Variants in VPS13C observed in about 807,000 individuals in gnomAD.
VPS13C encodes the protein intermembrane lipid transfer protein VPS13C.
Under a neutral mutation model 456.8 loss-of-function variants are expected in VPS13C, and 358 were observed. The ratio of observed to expected loss-of-function variants is 0.78; its 90% confidence interval spans 0.72 to 0.86. VPS13C has a LOEUF of 0.86. Ranked by LOEUF, VPS13C falls within the 40% of genes least tolerant of loss-of-function variation. The probability of loss-of-function intolerance (pLI) is 0.00; values close to 1 mark genes in which losing one functional copy is unlikely to be tolerated. For synonymous variants in VPS13C, 1,578 were observed against 1,486.7 expected, an observed-to-expected ratio of 1.06 and a Z score of -1.41; for missense variants, 4,818 against 4,385.4, an observed-to-expected ratio of 1.10 and a Z score of -2.79.
intron 15 of VPS13C, among the ~76,000 whole-genome samples, chr15:62,005,310 G>A (rs535979838): frequency 0.011 from 1,659 of 152,226 alleles, 39 homozygotes; most frequent in African/African-American, 0.038. Context: ...TTGGTTTAAA[G>A]TCTGTTTTAT....
chr15:62,034,925 T>C (rs1431365557), intron 4 of VPS13C, 32 bp downstream of exon 4: 2 of 1,383,396 alleles, frequency 1.4e-6, no homozygotes, highest in East Asian at 4.7e-5. Flanking sequence ...CAATGTGATG[T>C]TATTGAATGG....
At chr15:61,970,979 G>A (rs2045531772) in intron 27 of VPS13C, among the ~76,000 whole-genome samples, 1 of 151,942 alleles carries the variant, frequency 6.6e-6, no homozygotes, top group Non-Finnish European at 1.5e-5. Context: ...ACAAGTGTAA[G>A]CTCCATGCGG....
chr15:61,859,512 C>T (rs902915126), intron 82 of VPS13C, among the ~76,000 whole-genome samples: 2 of 152,152 alleles, frequency 1.3e-5, no homozygotes, highest in African/African-American at 4.8e-5. Context: ...CCATTCCACA[C>T]TGATCTTACT....
Position 61,880,699 on chromosome 15 carries a change from AAT to A in VPS13C, c.9910_9911del (p.Ile3304Ter). ...CCATTAATTCTGCATTTAGAGCATC[AAT>A]ATCTTGTTGGATTAACTTTGTCTGA... is the stretch of plus-strand genomic sequence containing the variant. ...RRRTKLIQQD[I>X]DALNAELMET... On this transcript the variant is annotated frameshift_variant, in exon 73 of 85. Coordinates refer to ENST00000644861, the MANE Select transcript of VPS13C (RefSeq NM_020821.3). LOFTEE classifies it high-confidence loss of function. 6.3e-7 allele frequency: 1 copy of A among 1,589,720 alleles called. No individual in the cohort carries two copies. Among genetic ancestry groups the A allele is most frequent in the Non-Finnish European group, 8.5e-7 (1 of 1,170,728 alleles).
rs563163634 is a variant in VPS13C, at chr15:61,856,602, C to G, written c.10953-193G>C. The G allele has an allele frequency of 8.7e-6, 4 of 457,988 alleles. No homozygotes were observed. The Admixed American group carries it at 1.4e-4, about 16-fold the overall frequency. The allele number at this position is 457,988 out of a possible 1,614,324, so 28.4% of individuals were successfully genotyped here. A position where few individuals can be genotyped will look rare whatever the true frequency, so the allele number is the denominator to read the frequency against. On this transcript the variant is annotated intron_variant, in intron 82 of 84. Transcript: ENST00000644861. Reference sequence around the variant, plus strand: ...AATAAAGAGCAAATATGACACCTACCAAGCAACAAAGTAGACTCAAAAATT... The same window carrying G: ...AATAAAGAGCAAATATGACACCTACGAAGCAACAAAGTAGACTCAAAAATT...
chr15:61,867,870 C>A lies in VPS13C; in HGVS notation c.10863+789G>T, dbSNP rs190769225. 578 of 1,593,740 alleles carry A rather than the reference C, an allele frequency of 3.6e-4. 1 individual carries two copies. The highest frequency in any genetic ancestry group is 3.0e-3 in the African/African-American group (224 of 74,424). ...GGAATTCACACACAGTCAATTAACA[C>A]CACAGTTTGTTTTGATTTTTAAGGA... On this transcript the variant is annotated intron_variant, in intron 81 of 84. Coordinates refer to ENST00000644861, the MANE Select transcript of VPS13C (RefSeq NM_020821.3). This position sits in a 1 kb window ranked among gnomAD's most constrained non-coding sequence, Gnocchi z 5.0.
chr15:61,992,784 C>G (rs535267262), intron 16 of VPS13C, among the ~76,000 whole-genome samples: 1 of 152,138 alleles, frequency 6.6e-6, no homozygotes, highest in South Asian at 2.1e-4. Context: ...CATCTAGAAG[C>G]TTTATGAGAA....
rs368312772 is a variant in VPS13C at position 61,939,715 on chromosome 15, CG to C, written c.5601+931del. On this transcript the variant is annotated intron_variant, in intron 47 of 84. Coordinates refer to ENST00000644861, the MANE Select transcript of VPS13C (RefSeq NM_020821.3). Reference sequence around the variant, plus strand: ...ACATTATTAAAAATAACGCTGTGGCCGGAGCACGGTGGCTCACGCCTGTAGT... The same window carrying C: ...ACATTATTAAAAATAACGCTGTGGCCGAGCACGGTGGCTCACGCCTGTAGT... 3.9e-3 allele frequency among the ~76,000 whole-genome samples: 590 copies of C among 152,258 alleles called. 3 individuals are homozygous for C. The highest frequency in any genetic ancestry group is 0.013 in the African/African-American group (549 of 41,540).
In VPS13C at chr15:61,951,329, G is replaced by A. The variant is rs1177136208; in HGVS notation, c.4457-305C>T. On this transcript the variant is annotated intron_variant, in intron 39 of 84. Transcript: ENST00000644861. ...GAACCTATAAAATACATAAAGTAGG[G>A]ATTATTCTCAATACAAGTTTATTTC... 3.3e-5 allele frequency among the ~76,000 whole-genome samples: 5 copies of A among 151,960 alleles called. No homozygotes were observed. In the South Asian group the frequency reaches 8.3e-4, roughly 25 times the overall value.
chr15:62,054,733 A>C (rs1034710079), intron 1 of VPS13C, among the ~76,000 whole-genome samples: 2 of 151,768 alleles, frequency 1.3e-5, no homozygotes, highest in Non-Finnish European at 2.9e-5. Flanking sequence ...TTAAAGTAGA[A>C]GTAAAAAAAA....
rs186643706 is a variant in VPS13C, at chr15:61,911,202, C to G, written c.8715+638G>C. Reference sequence around the variant, plus strand: ...TGCTTATCTTTGCACCTGTCCTCTTCTGGCACACATTCCCCCATTTGCTTC... The same window carrying G: ...TGCTTATCTTTGCACCTGTCCTCTTGTGGCACACATTCCCCCATTTGCTTC... On this transcript the variant is annotated intron_variant, in intron 63 of 84. Coordinates refer to ENST00000644861, the MANE Select transcript of VPS13C (RefSeq NM_020821.3). Among the ~76,000 whole-genome samples the G allele has an allele frequency of 3.7e-3, 565 of 152,326 alleles. 2 individuals are homozygous for G. Among genetic ancestry groups the G allele is most frequent in the Non-Finnish European group, 5.6e-3 (382 of 68,034 alleles).
intron 18 of VPS13C, among the ~76,000 whole-genome samples, chr15:61,989,287 C>CCTG (rs2140414261): frequency 6.6e-6 from 1 of 151,782 alleles, no homozygotes; most frequent in African/African-American, 2.4e-5. Context: ...GTAATTCCAG[C>CCTG]TACTCGGGTG....
Position 61,872,119 on chromosome 15 carries a change from C to T in VPS13C, c.10579-85G>A. ...ACCACTAGAGGTCTCTACAGACATA[C>T]TGGAAATAACAACAACAACAACAAA... is the stretch of plus-strand genomic sequence containing the variant. On this transcript the variant is annotated intron_variant, in intron 78 of 84. Coordinates refer to ENST00000644861, the MANE Select transcript of VPS13C (RefSeq NM_020821.3). The T allele has an allele frequency of 1.8e-5, 19 of 1,071,826 alleles. No homozygotes were observed. The South Asian group carries it at 2.9e-4, about 16-fold the overall frequency. The allele number at this position is 1,071,826 out of a possible 1,614,324, so 66.4% of individuals were successfully genotyped here. A position where few individuals can be genotyped will look rare whatever the true frequency, so the allele number is the denominator to read the frequency against.
chr15:62,056,635 G>A (rs2048810756), intron 1 of VPS13C, among the ~76,000 whole-genome samples: 1 of 152,090 alleles, frequency 6.6e-6, no homozygotes, highest in Admixed American at 6.5e-5. Flanking sequence ...TGGAGGGCCT[G>A]ACATCAGTCA....
chr15:61,874,623 CAAGAA>C (rs1470071760), intron 77 of VPS13C, among the ~76,000 whole-genome samples: 2 of 151,804 alleles, frequency 1.3e-5, no homozygotes, highest in South Asian at 2.1e-4. Context: ...TCCCATCTAA[CAAGAA>C]AAGGAATAAA....
chr15:62,050,238 C>T (rs2048572319), intron 1 of VPS13C, among the ~76,000 whole-genome samples: 2 of 152,122 alleles, frequency 1.3e-5, no homozygotes, highest in Non-Finnish European at 2.9e-5. Flanking sequence ...GCTCTAAAGC[C>T]AATCCCACAA....
At chr15:61,888,156 C>T (rs181277601) in intron 67 of VPS13C, among the ~76,000 whole-genome samples, 1 of 152,258 alleles carries the variant, frequency 6.6e-6, no homozygotes, top group Admixed American at 6.5e-5. Flanking sequence ...CTACTATATC[C>T]TTATTAAAAT....
In VPS13C at chr15:61,854,315, A is replaced by T. The variant is rs868349013; in HGVS notation, c.*142T>A. ...GTAAAAACTAAAAGGTGAAAAAACT[A>T]GAAAACCCAATACTAGCTATTCCAG... On this transcript the variant is annotated 3_prime_UTR_variant, in exon 85 of 85. Transcript: ENST00000644861. The T allele has an allele frequency of 3.8e-6, 3 of 781,028 alleles. No homozygotes were observed. The Middle Eastern group carries it at 7.0e-4, about 184-fold the overall frequency. The allele number at this position is 781,028 out of a possible 1,614,324, so 48.4% of individuals were successfully genotyped here.
rs376705434 is a variant in VPS13C at position 61,903,870 on chromosome 15, T to C, written c.9105+3394A>G. Among the ~76,000 whole-genome samples, 196 of 152,208 alleles carry C rather than the reference T, an allele frequency of 1.3e-3. 7 individuals carry two copies. In the South Asian group the frequency reaches 0.039, roughly 30 times the overall value. On this transcript the variant is annotated intron_variant, in intron 66 of 84. Coordinates refer to ENST00000644861, the MANE Select transcript of VPS13C (RefSeq NM_020821.3). Reference sequence around the variant, plus strand: ...ATCTTCAACAAAGGCGGCAAGAGAATATACTGGAAAAAGACAGTGTCTTCA... The same window carrying C: ...ATCTTCAACAAAGGCGGCAAGAGAACATACTGGAAAAAGACAGTGTCTTCA...
Sources: allele counts gnomAD v4.1 joint callset (sites outside exome capture counted in the v4.1 genomes callset), GRCh38; gene constraint gnomAD v4.1.1; non-coding constraint Gnocchi (gnomAD v3.1); transcripts MANE v1.5; gene names NCBI Gene and HGNC (gene_info 2026-07-23, HGNC 2026-07-21).